Variants in EHMT2 observed in about 807,000 individuals in gnomAD.
The protein encoded by EHMT2 is histone-lysine N-methyltransferase EHMT2.
A neutral mutation model predicts 143.3 loss-of-function variants in EHMT2; 59 were observed. The ratio of observed to expected loss-of-function variants is 0.41; its 90% CI spans 0.33 to 0.51. The LOEUF is 0.51. Among genes scored for constraint, EHMT2 ranks in the 20% least tolerant of loss-of-function variants. The pLI is 0.18. For synonymous variants in EHMT2, 604 were observed against 651.5 expected (o/e 0.93, Z 1.11); for missense variants, 1,174 against 1,645.9 (o/e 0.71, Z 4.96).
chr6:31,887,515 C>T (rs1007561688), intron 15 of EHMT2, 62 bp downstream of exon 15: 2 of 1,457,348 alleles, frequency 1.4e-6, no homozygotes, highest in African/African-American at 1.4e-5. Flanking sequence ...GGCCCTGTAC[C>T]CAGTGCCTGG....
chr6:31,881,062 C>G lies in EHMT2; in HGVS notation c.3228G>C (p.Glu1076Asp). The G allele has an allele frequency of 6.2e-7, 1 of 1,613,004 alleles. No homozygotes were observed. The highest frequency in any genetic ancestry group is 1.1e-5 in the South Asian group (1 of 91,090). The stretch of plus-strand genomic sequence containing the variant: ...AAGAATCATCCTCTCTCACATCAGC[C>G]TCAGCATCAGAGATCAGCTCCCCGA... Residue 1076 changes from glutamate (E) to aspartate (D), a missense_variant, in exon 26 of 28, where the codon GAG (glutamate) becomes GAC (aspartate). Glu to Asp is a conservative substitution (Grantham distance 45, BLOSUM62 2). Around this residue, in one of 6 missense-constraint regions of EHMT2, gnomAD observed 3 missense variants for 35.3 expected, o/e 0.09. Transcript: ENST00000375537. The surrounding 1 kb of genome is among the most constrained non-coding windows in gnomAD (Gnocchi z 4.8).
chr6:31,897,198 C>T, intron 1 of EHMT2: 2 of 1,267,332 alleles, frequency 1.6e-6, no homozygotes, highest in East Asian at 3.1e-5. Flanking sequence ...CGGTAGACCC[C>T]GCATCTCTGG....
At position 31,883,610 on chromosome 6, in the gene EHMT2, GC is replaced by G; in HGVS notation, c.2917-172del. On this transcript the variant is annotated intron_variant, in intron 22 of 27. Transcript: ENST00000375537. The surrounding 1 kb of genome is among the most constrained non-coding windows in gnomAD (Gnocchi z 5.6). ...TAATCAGTATGGTGGTGTCCCCAGG[GC>G]TACTGGGAGCTCATATGATACCTTG... The G allele has an allele frequency of 1.0e-6, 1 of 977,900 alleles. No homozygotes were observed. The highest frequency in any genetic ancestry group is 1.6e-6 in the Non-Finnish European group (1 of 643,844). The allele number at this position is 977,900 out of a possible 1,614,324, so 60.6% of individuals were successfully genotyped here.
exon 3 of EHMT2, chr6:31,896,770 G>T (rs7887): frequency 0.34 from 555,366 of 1,612,788 alleles, 103,389 homozygotes; most frequent in East Asian, 0.62. Context: ...GGAGTCGGGG[G>T]TGGCCTTGGG....
chr6:31,884,032 A>T lies in EHMT2; in HGVS notation c.2772-82T>A. The T allele has an allele frequency of 1.3e-6, 2 of 1,509,734 alleles. No individual in the cohort carries two copies. Among genetic ancestry groups the T allele is most frequent in the Non-Finnish European group, 1.8e-6 (2 of 1,116,472 alleles). 93.5% of individuals were successfully genotyped at this position (1,509,734 alleles called of 1,614,324 possible). Reference sequence around the variant, plus strand: ...CCAGGTATAAGGAAGAGAGTTGGGGAGGTTCCTGGGGCTGGGGGCAGGGGA... The same window carrying T: ...CCAGGTATAAGGAAGAGAGTTGGGGTGGTTCCTGGGGCTGGGGGCAGGGGA... On this transcript the variant is annotated intron_variant, in intron 21 of 27. Transcript: ENST00000375537. The surrounding 1 kb of genome is among the most constrained non-coding windows in gnomAD (Gnocchi z 7.3).
chr6:31,897,016 G>A (rs201479628), intron 1 of EHMT2, 27 bp from the exon 2 acceptor site: 23 of 1,547,506 alleles, frequency 1.5e-5, no homozygotes, highest in Middle Eastern at 1.8e-4. Context: ...GGGACAGGAG[G>A]GCTGGTCAGC....
chr6:31,896,882 A>T (rs2151670999), intron 2 of EHMT2, 41 bp downstream of exon 2: 1 of 1,611,604 alleles, frequency 6.2e-7, no homozygotes, highest in South Asian at 1.1e-5. Context: ...GTGTTTAGGG[A>T]AGGTGACGGT....
Position 31,881,142 on chromosome 6 carries a change from G to C in EHMT2, c.3198-50C>G. 6.6e-7 allele frequency: 1 copy of C among 1,504,218 alleles called. No individual in the cohort carries two copies. Among genetic ancestry groups the C allele is most frequent in the Non-Finnish European group, 9.2e-7 (1 of 1,082,032 alleles). 93.2% of individuals were successfully genotyped at this position (1,504,218 alleles called of 1,614,324 possible). A position where few individuals can be genotyped will look rare whatever the true frequency, so the allele number is the denominator to read the frequency against. On this transcript the variant is annotated intron_variant, in intron 25 of 27. Transcript: ENST00000375537. This position sits in a 1 kb window ranked among gnomAD's most constrained non-coding sequence, Gnocchi z 4.8. ...TGAAGGTGAGTGTGGGCTATTAGGAGGTGGCTCCAGGCCCCATCTCTCTTC... is the reference window on the plus strand; with the variant it reads ...TGAAGGTGAGTGTGGGCTATTAGGACGTGGCTCCAGGCCCCATCTCTCTTC...
At chr6:31,897,164 G>A in intron 1 of EHMT2, 175 bp from the exon 2 acceptor site, 1 of 1,340,738 alleles carries the variant, frequency 7.5e-7, no homozygotes, top group Non-Finnish European at 9.6e-7. Context: ...CCCTCCCCCG[G>A]GCCCGCATCA....
rs148290302 is a variant in EHMT2 at position 31,884,475 on chromosome 6, G to A, written c.2688C>T (p.Asp896=). Residue 896 remains aspartate, a synonymous_variant, in exon 21 of 28, where the codon GAC becomes GAT. Transcript: ENST00000375537. The surrounding 1 kb of genome is among the most constrained non-coding windows in gnomAD (Gnocchi z 7.3). ...GGTTGAGTTGAAGCGCAAACCACAC[G>A]TCGGAGCGCTCGGGAGTCAGGTCCC... The A allele has an allele frequency of 8.9e-5, 144 of 1,612,980 alleles. No individual in the cohort carries two copies. The highest frequency in any genetic ancestry group is 4.7e-4 in the Admixed American group (28 of 60,008).
chr6:31,882,010 C>G (rs1764164792), intron 25 of EHMT2, among the ~76,000 whole-genome samples: 1 of 151,450 alleles, frequency 6.6e-6, no homozygotes. Context: ...GAGGCTGAGG[C>G]AGGAGAATCG....
chr6:31,887,287 G>A (rs1273105388), intron 15 of EHMT2, among the ~76,000 whole-genome samples, 186 bp from the exon 16 acceptor site: 2 of 152,194 alleles, frequency 1.3e-5, no homozygotes, highest in Non-Finnish European at 2.9e-5. Context: ...CATCAGCTCT[G>A]CCTGAATTCA....
In EHMT2 at chr6:31,884,451, G is replaced by A; in HGVS notation, c.2712C>T (p.Asn904=). 1.9e-6 allele frequency: 3 copies of A among 1,612,972 alleles called. No homozygotes were observed. Among genetic ancestry groups the A allele is most frequent in the Non-Finnish European group, 2.5e-6 (3 of 1,180,022 alleles). ...TTCCCACCCCAAGTCGGAGCTTGCG[G>A]TTGAGTTGAAGCGCAAACCACACGT... The change falls in exon 21 of 28, where the codon AAC becomes AAT. Residue 904 remains asparagine, a synonymous_variant. Coordinates refer to ENST00000375537, the Ensembl canonical transcript of EHMT2. The surrounding 1 kb of genome is among the most constrained non-coding windows in gnomAD (Gnocchi z 7.3).
intron 1 of EHMT2, chr6:31,897,217 G>C: frequency 8.1e-7 from 1 of 1,238,800 alleles, no homozygotes; most frequent in Non-Finnish European, 1.0e-6. Context: ...GGGGCCGAGA[G>C]AAGAGGAGGG....
At chr6:31,890,778 T>C (rs1765583087) in intron 7 of EHMT2, among the ~76,000 whole-genome samples, 1 of 148,954 alleles carries the variant, frequency 6.7e-6, no homozygotes, top group Non-Finnish European at 1.5e-5. Flanking sequence ...GGCAGGAGAA[T>C]TGCTTGAACT....
rs778895675 is a variant in EHMT2 at position 31,884,565 on chromosome 6, G to A, written c.2604-6C>T. 2 of 1,612,750 alleles carry A rather than the reference G, an allele frequency of 1.2e-6. No individual in the cohort carries two copies. The highest frequency in any genetic ancestry group is 1.7e-6 in the Non-Finnish European group (2 of 1,179,858). On this transcript the variant is annotated splice_region_variant and splice_polypyrimidine_tract_variant and intron_variant, in intron 20 of 27. Transcript: ENST00000375537. This position sits in a 1 kb window ranked among gnomAD's most constrained non-coding sequence, Gnocchi z 7.3. ...CCCCACGTGACAGGAATAACCTGAA[G>A]AGGGGACAGGATGCCCAATGCAGGG...
At chr6:31,879,983 A>AAG in exon 28 of EHMT2, 1 of 1,331,472 alleles carries the variant, frequency 7.5e-7, no homozygotes, top group South Asian at 1.3e-5. Flanking sequence ...GTGGGGAGAG[A>AAG]AGATGGCAGC....
Position 31,883,300 on chromosome 6 carries a change from T to C in EHMT2, c.2994+62A>G. ...GACATGGTCCCAGGGAGCTGGTTTA[T>C]TGGAGGCTGGCTCCTCTGAAGGAGG... On this transcript the variant is annotated intron_variant, in intron 23 of 27. Coordinates refer to ENST00000375537, the Ensembl canonical transcript of EHMT2. This position sits in a 1 kb window ranked among gnomAD's most constrained non-coding sequence, Gnocchi z 5.6. 2.6e-6 allele frequency: 4 copies of C among 1,538,782 alleles called. No individual in the cohort carries two copies. Among genetic ancestry groups the C allele is most frequent in the Middle Eastern group, 1.7e-4 (1 of 5,844 alleles).
chr6:31,884,751 T>C lies in EHMT2; in HGVS notation c.2497A>G (p.Ile833Val), dbSNP rs1003524176. The C allele has an allele frequency of 6.2e-7, 1 of 1,602,440 alleles. No homozygotes were observed. The highest frequency in any genetic ancestry group is 8.5e-7 in the Non-Finnish European group (1 of 1,174,856). The change falls in exon 20 of 28, where the codon ATC becomes GTC. Residue 833 changes from isoleucine (I) to valine (V), a missense_variant. By Grantham distance (29) the Ile-to-Val change is conservative. Coordinates refer to ENST00000375537, the Ensembl canonical transcript of EHMT2. This position sits in a 1 kb window ranked among gnomAD's most constrained non-coding sequence, Gnocchi z 7.3. Reference sequence around the variant, plus strand: ...CGCGCATTCAGAAGGACTTCGGCGATGGCGGCGCTGCCCGTGAAGGAGGCC... The same window carrying C: ...CGCGCATTCAGAAGGACTTCGGCGACGGCGGCGCTGCCCGTGAAGGAGGCC...
Sources: allele counts gnomAD v4.1 joint callset (sites outside exome capture counted in the v4.1 genomes callset), GRCh38; gene constraint gnomAD v4.1.1; regional missense constraint gnomAD v4.1.1; non-coding constraint Gnocchi (gnomAD v3.1); transcripts MANE v1.5; gene names NCBI Gene and HGNC (gene_info 2026-07-23, HGNC 2026-07-21).